Variants in EDARADD observed in about 807,000 individuals in gnomAD.
EDARADD encodes EDAR associated via death domain, also known as ectodysplasin-A receptor-associated adapter protein.
Under a neutral mutation model 25.6 loss-of-function variants are expected in EDARADD, and 20 were observed. That is an observed-to-expected ratio of 0.78 (90% CI 0.55 to 1.14). The LOEUF is 1.14. Among genes scored for constraint, EDARADD ranks in the 50% most tolerant of loss-of-function variants. EDARADD has a pLI of 0.00. For synonymous variants in EDARADD, 86 were observed against 94.4 expected (o/e 0.91, Z 0.52); for missense variants, 225 against 270.1 (o/e 0.83, Z 1.17).
At position 236,484,710 on chromosome 1, in the gene EDARADD, A is replaced by T; in HGVS notation, c.*2061A>T. 4 of 72,762 alleles carry T rather than the reference A, an allele frequency of 5.5e-5. No individual in the cohort carries two copies. The highest frequency in any genetic ancestry group is 1.6e-4 in the Non-Finnish European group (4 of 25,582). The allele number at this position is 72,762 out of a possible 1,614,324, so 4.5% of individuals were successfully genotyped here. ...AGACAGAGTGAGAGTCCGTCCCAGA[A>T]AAAAAAAAAAAAAAAAAGAACTTCT... On this transcript the variant is annotated 3_prime_UTR_variant, in exon 6 of 6. Transcript: ENST00000334232. The surrounding 1 kb of genome is among the most constrained non-coding windows in gnomAD (Gnocchi z 4.1).
chr1:236,463,885 C>T (rs942937605), intron 4 of EDARADD, among the ~76,000 whole-genome samples: 2 of 152,190 alleles, frequency 1.3e-5, no homozygotes, highest in African/African-American at 4.8e-5. Flanking sequence ...CCATCCCTTG[C>T]TCCTTGAATA....
chr1:236,467,426 G>GCACACACACACACA (rs376781528), intron 4 of EDARADD, among the ~76,000 whole-genome samples: 5 of 138,942 alleles, frequency 3.6e-5, no homozygotes, highest in Admixed American at 2.8e-4. Context: ...ACACACACGC[G>GCACACACACACACA]CACACACACA....
intron 1 of EDARADD, among the ~76,000 whole-genome samples, chr1:236,399,726 C>T (rs535084452): frequency 2.6e-5 from 4 of 152,370 alleles, no homozygotes; most frequent in African/African-American, 9.6e-5. Flanking sequence ...AACAAACAAC[C>T]GGGCTTTGAA....
chr1:236,479,494 C>CA (rs924710136), intron 5 of EDARADD, among the ~76,000 whole-genome samples: 30 of 135,646 alleles, frequency 2.2e-4, no homozygotes, highest in African/African-American at 5.0e-4. Context: ...GACCCTGTCT[C>CA]AAAAAAAAAG....
At chr1:236,422,822 C>T (rs1176890999) in intron 3 of EDARADD, among the ~76,000 whole-genome samples, 1 of 152,160 alleles carries the variant, frequency 6.6e-6, no homozygotes, top group East Asian at 1.9e-4. Context: ...TTAGCTCCAT[C>T]CTGTATCAAG....
intron 3 of EDARADD, among the ~76,000 whole-genome samples, chr1:236,364,781 G>A (rs1487297987): frequency 6.6e-6 from 1 of 152,140 alleles, no homozygotes; most frequent in East Asian, 1.9e-4. Flanking sequence ...AGTTCTAATA[G>A]CTCTTTTGTA....
chr1:236,354,034 G>A (rs188497696), intron 3 of EDARADD, among the ~76,000 whole-genome samples: 1 of 152,032 alleles, frequency 6.6e-6, no homozygotes, highest in East Asian at 1.9e-4. Flanking sequence ...TTCGGGTTGC[G>A]AGGCTTAGGG....
In EDARADD at chr1:236,427,375, C is replaced by CTT. The variant is rs555177993; in HGVS notation, c.161-7_161-6dup. 23 of 1,154,440 alleles carry CTT rather than the reference C, an allele frequency of 2.0e-5. No individual in the cohort carries two copies. Among genetic ancestry groups the CTT allele is most frequent in the South Asian group, 4.6e-5 (3 of 65,902 alleles). The allele number at this position is 1,154,440 out of a possible 1,614,324, so 71.5% of individuals were successfully genotyped here. A position where few individuals can be genotyped will look rare whatever the true frequency, so the allele number is the denominator to read the frequency against. On this transcript the variant is annotated splice_polypyrimidine_tract_variant and intron_variant, in intron 3 of 5. Coordinates refer to ENST00000334232, the MANE Select transcript of EDARADD (RefSeq NM_145861.4). ...TCACACTTTGTTTCTTTCTTTCTTT[C>CTT]TTTTTTTTTTTCCTAGCTGAAGAAT...
chr1:236,407,284 G>A (rs1164704564), intron 1 of EDARADD, among the ~76,000 whole-genome samples: 2 of 152,206 alleles, frequency 1.3e-5, no homozygotes, highest in African/African-American at 4.8e-5. Flanking sequence ...GCTCTGTGCT[G>A]TCTCTGATGC....
rs991033072 is a variant in EDARADD, at chr1:236,395,159, G to A, written c.61+654G>A. On this transcript the variant is annotated intron_variant, in intron 1 of 5. Coordinates refer to ENST00000334232, the MANE Select transcript of EDARADD (RefSeq NM_145861.4). The surrounding 1 kb of genome is among the most constrained non-coding windows in gnomAD (Gnocchi z 6.9). ...AGGGCGTGAGTAGGGAGCCAGGAAA[G>A]CGACCCGCGACTGCAGCCGTTTCTT... 6.6e-6 allele frequency among the ~76,000 whole-genome samples: 1 copy of A among 152,240 alleles called. No individual in the cohort carries two copies. Among genetic ancestry groups the A allele is most frequent in the Non-Finnish European group, 1.5e-5 (1 of 68,040 alleles).
intron 4 of EDARADD, among the ~76,000 whole-genome samples, chr1:236,429,672 A>G (rs1303897800): frequency 6.6e-6 from 1 of 152,024 alleles, no homozygotes; most frequent in Non-Finnish European, 1.5e-5. Flanking sequence ...GGCTTGAGCC[A>G]CTGCACCTGG....
chr1:236,445,234 C>CTT (rs61333307), intron 4 of EDARADD, among the ~76,000 whole-genome samples: 4 of 89,698 alleles, frequency 4.5e-5, no homozygotes, highest in Admixed American at 1.4e-4. Context: ...ATAATAAATT[C>CTT]TTTTTTTTTT....
chr1:236,355,792 G>A (rs1340291880), intron 3 of EDARADD, among the ~76,000 whole-genome samples: 1 of 151,946 alleles, frequency 6.6e-6, no homozygotes, highest in Non-Finnish European at 1.5e-5. Flanking sequence ...TTACAGGCAT[G>A]AGCCACCACT....
intron 1 of EDARADD, among the ~76,000 whole-genome samples, chr1:236,401,454 G>A (rs536828161): frequency 5.3e-5 from 8 of 152,168 alleles, no homozygotes; most frequent in African/African-American, 9.7e-5. Flanking sequence ...GTCAGAATGC[G>A]GCAGTGCAGT....
chr1:236,360,545 T>TG (rs1240134417), intron 3 of EDARADD, among the ~76,000 whole-genome samples: 1 of 139,070 alleles, frequency 7.2e-6, no homozygotes, highest in African/African-American at 2.7e-5. Flanking sequence ...CGGTTTTTTT[T>TG]TTTTTTTTTT....
At position 236,403,901 on chromosome 1, in the gene EDARADD, T is replaced by TCACTGCCGGCATGAGGGAGTTA. The variant is rs1461271617; in HGVS notation, c.62-5313_62-5312insCTGCCGGCATGAGGGAGTTACA. 1.4e-4 allele frequency among the ~76,000 whole-genome samples: 21 copies of TCACTGCCGGCATGAGGGAGTTA among 152,270 alleles called. 2 individuals carry two copies. The highest frequency in any genetic ancestry group is 4.8e-4 in the African/African-American group (20 of 41,574). ...AGAATATGCTTGAGGGAGTTACACC[T>TCACTGCCGGCATGAGGGAGTTA]CATTCTCACTGCCGGCAGAGATATC... On this transcript the variant is annotated intron_variant, in intron 1 of 5. Transcript: ENST00000334232.
chr1:236,478,355 A>ATGTGTGTG (rs1344455478), intron 5 of EDARADD, among the ~76,000 whole-genome samples: 1 of 120,236 alleles, frequency 8.3e-6, no homozygotes, highest in Non-Finnish European at 1.8e-5. Flanking sequence ...AAATCCATAT[A>ATGTGTGTG]TATATGTGTG....
intron 4 of EDARADD, among the ~76,000 whole-genome samples, chr1:236,466,420 C>T (rs964445277): frequency 1.6e-5 from 2 of 128,866 alleles, no homozygotes; most frequent in African/African-American, 3.1e-5. Context: ...CTCTTTCTCT[C>T]TCACTCTCTC....
chr1:236,388,447 A>G (rs927890040), intron 3 of EDARADD, among the ~76,000 whole-genome samples: 1 of 152,226 alleles, frequency 6.6e-6, no homozygotes, highest in Non-Finnish European at 1.5e-5. Flanking sequence ...TTGAGTTAGC[A>G]TTGAATCTGT....
Sources: allele counts gnomAD v4.1 joint callset (sites outside exome capture counted in the v4.1 genomes callset), GRCh38; gene constraint gnomAD v4.1.1; non-coding constraint Gnocchi (gnomAD v3.1); transcripts MANE v1.5; gene names NCBI Gene and HGNC (gene_info 2026-07-23, HGNC 2026-07-21).